The following CBFA2T2 variants were observed in gnomAD, a reference collection of about 807,000 sequenced individuals.
CBFA2T2 encodes CBFA2/RUNX1 partner transcriptional co-repressor 2, also known as protein CBFA2T2.
Under a neutral mutation model 62.2 loss-of-function variants are expected in CBFA2T2, and 11 were observed. That is an observed-to-expected ratio of 0.18 (90% CI 0.11 to 0.29). The LOEUF is 0.29. Among genes scored for constraint, CBFA2T2 ranks in the 10% least tolerant of loss-of-function variants. The pLI is 1.00. For synonymous variants in CBFA2T2, 295 were observed against 287.5 expected, an observed-to-expected ratio of 1.03 and a Z score of -0.27; for missense variants, 592 against 774.1, an observed-to-expected ratio of 0.76 and a Z score of 2.79.
chr20:33,511,184 G>A (rs1338041696), intron 1 of CBFA2T2, among the ~76,000 whole-genome samples: 6 of 152,058 alleles, frequency 3.9e-5, no homozygotes, highest in Non-Finnish European at 7.4e-5. Context: ...CATTGCTTTT[G>A]GTGTTTTAGT....
chr20:33,629,941 A>G (rs750591203), intron 8 of CBFA2T2, 27 bp downstream of exon 8: 1 of 1,568,486 alleles, frequency 6.4e-7, no homozygotes, highest in South Asian at 1.2e-5. Flanking sequence ...CGGGAAACCC[A>G]AAATAAATGT....
chr20:33,527,520 G>C (rs6141406), intron 1 of CBFA2T2, among the ~76,000 whole-genome samples: 1 of 151,712 alleles, frequency 6.6e-6, no homozygotes, highest in African/African-American at 2.4e-5. Context: ...TCACAGATGC[G>C]TGCCACTACG....
At chr20:33,523,072 T>C (rs974929004) in intron 1 of CBFA2T2, among the ~76,000 whole-genome samples, 2 of 152,168 alleles carry the variant, frequency 1.3e-5, no homozygotes, top group African/African-American at 2.4e-5. Flanking sequence ...GGGGCAAATT[T>C]ACCTTAGCCA....
chr20:33,638,099 C>CG (rs932367224), intron 9 of CBFA2T2, among the ~76,000 whole-genome samples: 24 of 150,646 alleles, frequency 1.6e-4, no homozygotes, highest in African/African-American at 4.6e-4. Context: ...CTTAGCCTTC[C>CG]AAGTACCTGG....
intron 4 of CBFA2T2, among the ~76,000 whole-genome samples, chr20:33,622,687 A>G (rs1326834609): frequency 1.3e-5 from 2 of 152,218 alleles, no homozygotes; most frequent in African/African-American, 4.8e-5. Flanking sequence ...CAGAGCTGGA[A>G]GGAAGGTTGA....
intron 1 of CBFA2T2, among the ~76,000 whole-genome samples, chr20:33,512,467 C>A (rs979847947): frequency 6.6e-6 from 1 of 152,212 alleles, no homozygotes; most frequent in Admixed American, 6.5e-5. Flanking sequence ...ACCTCTATCA[C>A]CATTCATTAG....
chr20:33,600,076 C>G (rs1455215792), intron 1 of CBFA2T2, among the ~76,000 whole-genome samples: 1 of 150,360 alleles, frequency 6.7e-6, no homozygotes, highest in African/African-American at 2.4e-5. Flanking sequence ...TAAGCATGTA[C>G]TATGTCCATA....
chr20:33,608,103 G>C (rs141082383), intron 2 of CBFA2T2, among the ~76,000 whole-genome samples: 1 of 152,266 alleles, frequency 6.6e-6, no homozygotes, highest in African/African-American at 2.4e-5. Flanking sequence ...GAATTTCCAC[G>C]TGCCCTGTAA....
At chr20:33,547,699 G>GTGTA (rs2012621075) in intron 1 of CBFA2T2, among the ~76,000 whole-genome samples, 1 of 144,198 alleles carries the variant, frequency 6.9e-6, no homozygotes, top group South Asian at 2.1e-4. Flanking sequence ...GTGTGTGTGT[G>GTGTA]TGTGTGTGTG....
At chr20:33,529,612 A>G (rs2011986906) in intron 1 of CBFA2T2, among the ~76,000 whole-genome samples, 1 of 151,598 alleles carries the variant, frequency 6.6e-6, no homozygotes, top group Non-Finnish European at 1.5e-5. Context: ...TTAGCTGGGC[A>G]TGGTGATGTG....
intron 8 of CBFA2T2, among the ~76,000 whole-genome samples, chr20:33,633,465 A>G (rs1271388029): frequency 1.3e-5 from 2 of 152,168 alleles, no homozygotes; most frequent in African/African-American, 4.8e-5. Context: ...TGGTTTGGTG[A>G]TTTGGAGAGA....
chr20:33,498,267 A>T (rs1253591271), intron 1 of CBFA2T2, among the ~76,000 whole-genome samples: 1 of 135,230 alleles, frequency 7.4e-6, no homozygotes, highest in African/African-American at 2.8e-5. Flanking sequence ...TTTTTTTGAG[A>T]TGGAGTTTCC....
intron 1 of CBFA2T2, among the ~76,000 whole-genome samples, chr20:33,505,524 C>G (rs1319485331): frequency 6.6e-6 from 1 of 152,174 alleles, no homozygotes; most frequent in African/African-American, 2.4e-5. Context: ...TGGCTCACGC[C>G]TGTAATCCCA....
At chr20:33,551,729 A>T (rs1371048014) in intron 1 of CBFA2T2, among the ~76,000 whole-genome samples, 1 of 148,140 alleles carries the variant, frequency 6.8e-6, no homozygotes, top group South Asian at 2.2e-4. Context: ...ACGGGGTTTC[A>T]CCATATTGGC....
At chr20:33,592,832 T>C (rs2014722868) in intron 1 of CBFA2T2, among the ~76,000 whole-genome samples, 1 of 152,202 alleles carries the variant, frequency 6.6e-6, no homozygotes, top group African/African-American at 2.4e-5. Context: ...TTGTAGTGCA[T>C]ATAAGGAAGA....
chr20:33,530,017 A>G (rs1201052851), intron 1 of CBFA2T2, among the ~76,000 whole-genome samples: 1 of 151,912 alleles, frequency 6.6e-6, no homozygotes, highest in Non-Finnish European at 1.5e-5. Flanking sequence ...AAAGTCCTGC[A>G]CTAAGGTGAT....
intron 1 of CBFA2T2, among the ~76,000 whole-genome samples, chr20:33,585,545 C>A (rs1187893816): frequency 6.6e-6 from 1 of 152,172 alleles, no homozygotes; most frequent in East Asian, 1.9e-4. Context: ...ATTAACCATT[C>A]TCTTGTGGTA....
intron 1 of CBFA2T2, among the ~76,000 whole-genome samples, chr20:33,495,995 G>A (rs540681990): frequency 6.6e-6 from 1 of 152,296 alleles, no homozygotes; most frequent in South Asian, 2.1e-4. Context: ...ATCTGACTTA[G>A]GGTCTCAGTC....
intron 1 of CBFA2T2, among the ~76,000 whole-genome samples, chr20:33,516,190 A>T (rs937363216): frequency 6.6e-6 from 1 of 151,676 alleles, no homozygotes; most frequent in Non-Finnish European, 1.5e-5. Context: ...ACAGCGTCAG[A>T]CGGGCATGGT....
Sources: gnomAD v4.1 joint callset for allele counts (sites outside exome capture counted in the v4.1 genomes callset) on GRCh38, gnomAD v4.1.1 for gene constraint, MANE v1.5 for transcripts, NCBI Gene and HGNC (gene_info 2026-07-23, HGNC 2026-07-21) for gene names.